CNTROB: variants seen among roughly 807,000 people sequenced by gnomAD.
The protein encoded by CNTROB is centrobin.
In CNTROB, 82 loss-of-function variants were observed where a neutral mutation model predicts 115.7. That is an observed-to-expected ratio of 0.71 (90% CI 0.59 to 0.85). CNTROB has a LOEUF of 0.85. Among genes scored for constraint, CNTROB ranks in the 40% least tolerant of loss-of-function variants. The pLI is 0.00. For synonymous variants in CNTROB, 439 were observed against 456.4 expected (o/e 0.96, Z 0.49); for missense variants, 1,014 against 1,144.4 (o/e 0.89, Z 1.64).
chr17:7,947,808 C>A (rs1401608275), intron 14 of CNTROB, 86 bp downstream of exon 14: 4 of 1,606,198 alleles, frequency 2.5e-6, no homozygotes, highest in Non-Finnish European at 2.6e-6. Context: ...GGACTCTGGC[C>A]TCATTCCCTG....
In CNTROB at chr17:7,949,824, T is replaced by C. The variant is rs916834567; in HGVS notation, c.*314T>C. 9 of 259,480 alleles carry C rather than the reference T, an allele frequency of 3.5e-5. No homozygotes were observed. Among genetic ancestry groups the C allele is most frequent in the Admixed American group, 5.4e-5 (1 of 18,588 alleles). The allele number at this position is 259,480 out of a possible 1,614,324, so 16.1% of individuals were successfully genotyped here. On this transcript the variant is annotated 3_prime_UTR_variant, in exon 19 of 19. Transcript: ENST00000563694. ...TGAACTCTGGGTGGTAGTGGAATTA[T>C]GGGTGATTCTTAGTTTTTTAATACG...
rs1973530909 is a variant in CNTROB at position 7,939,040 on chromosome 17, A to G, written c.928-473A>G. Among the ~76,000 whole-genome samples the G allele has an allele frequency of 6.6e-6, 1 of 151,894 alleles. No homozygotes were observed. Among genetic ancestry groups the G allele is most frequent in the Non-Finnish European group, 1.5e-5 (1 of 67,974 alleles). On this transcript the variant is annotated intron_variant, in intron 7 of 18. Transcript: ENST00000563694. The surrounding 1 kb of genome is among the most constrained non-coding windows in gnomAD (Gnocchi z 4.4). The stretch of plus-strand genomic sequence containing the variant: ...ATGATCTGCCTGCCTCAGCCTCCCA[A>G]AGTGCTGGGATTACAGGCATGAGCC...
At chr17:7,949,179 A>T (rs1193840275) in intron 18 of CNTROB, 22 bp downstream of exon 18, 1 of 1,611,588 alleles carries the variant, frequency 6.2e-7, no homozygotes, top group East Asian at 2.2e-5. Flanking sequence ...TCAGGCAGGG[A>T]CCAGGGGAGA....
Position 7,943,574 on chromosome 17 carries a change from T to C in CNTROB, c.1445+50T>C. The C allele has an allele frequency of 4.4e-6, 7 of 1,575,332 alleles. No individual in the cohort carries two copies. The highest frequency in any genetic ancestry group is 6.1e-6 in the Non-Finnish European group (7 of 1,154,878). On this transcript the variant is annotated intron_variant, in intron 10 of 18. Coordinates refer to ENST00000563694, the MANE Select transcript of CNTROB (RefSeq NM_053051.5). The surrounding 1 kb of genome is among the most constrained non-coding windows in gnomAD (Gnocchi z 4.7). Reference sequence around the variant, plus strand: ...CTTCTCTCAGCCACAGCACGTATCGTTAGTGCCAGGCCTGTGTTCCCTTCA... The same window carrying C: ...CTTCTCTCAGCCACAGCACGTATCGCTAGTGCCAGGCCTGTGTTCCCTTCA...
In CNTROB at chr17:7,944,156, G is replaced by A; in HGVS notation, c.1479G>A (p.Gln493=). 1.2e-6 allele frequency: 2 copies of A among 1,609,962 alleles called. 1 individual carries two copies. Among genetic ancestry groups the A allele is most frequent in the South Asian group, 2.2e-5 (2 of 91,016 alleles). Residue 493 remains glutamine, a synonymous_variant, in exon 11 of 19, where the codon CAG becomes CAA. Transcript: ENST00000563694. The surrounding 1 kb of genome is among the most constrained non-coding windows in gnomAD (Gnocchi z 4.0). The part of the protein sequence containing the change: ...KQLQDLSGQH[Q]QELASQLAQF... ...TGCAGGACCTGAGTGGACAGCACCA[G>A]CAGGAGCTGGCCAGTCAGCTAGCTC...
chr17:7,933,620 T>C (rs1972790141), intron 1 of CNTROB, among the ~76,000 whole-genome samples: 1 of 152,184 alleles, frequency 6.6e-6, no homozygotes. Flanking sequence ...GTTGGTGAGC[T>C]ATTTCCCGTG....
At chr17:7,933,942 T>G (rs577816719) in intron 1 of CNTROB, among the ~76,000 whole-genome samples, 196 bp from the exon 2 acceptor site, 1 of 152,340 alleles carries the variant, frequency 6.6e-6, no homozygotes, top group East Asian at 1.9e-4. Flanking sequence ...GTCTTATACC[T>G]CCTCGATTAT....
intron 3 of CNTROB, 52 bp from the exon 4 acceptor site, chr17:7,934,937 G>T (rs1454055720): frequency 6.6e-6 from 10 of 1,522,906 alleles, no homozygotes; most frequent in African/African-American, 1.4e-5. Flanking sequence ...AGTTGGACAA[G>T]TGGATTCCAA....
rs781035742 is a variant in CNTROB, at chr17:7,949,369, T to C, written c.2587-16T>C. On this transcript the variant is annotated splice_polypyrimidine_tract_variant and intron_variant, in intron 18 of 18. Transcript: ENST00000563694. ...TCTGACGCTGATTTCTTCCTCTCTC[T>C]TCCCTCAACTCTCAGATTCCCTCCC... 5.6e-6 allele frequency: 9 copies of C among 1,613,428 alleles called. No individual in the cohort carries two copies. The highest frequency in any genetic ancestry group is 7.6e-6 in the Non-Finnish European group (9 of 1,179,538).
chr17:7,948,217 T>C lies in CNTROB; in HGVS notation c.2270T>C (p.Val757Ala), dbSNP rs1415656023. 2 of 1,614,034 alleles carry C rather than the reference T, an allele frequency of 1.2e-6. No individual in the cohort carries two copies. The highest frequency in any genetic ancestry group is 1.7e-6 in the Non-Finnish European group (2 of 1,180,036). ...APQVPRIPPP[V>A]HKTKVPLAMA... ...CAAGTGCCACGTATTCCACCGCCTGTCCACAAAACCAAAGTTCCCTTAGCC... is the reference window on the plus strand; with the variant it reads ...CAAGTGCCACGTATTCCACCGCCTGCCCACAAAACCAAAGTTCCCTTAGCC... Residue 757 changes from valine (V) to alanine (A), a missense_variant, in exon 16 of 19, where the codon GTC becomes GCC. By Grantham distance (64) the Val-to-Ala change is moderately conservative. Transcript: ENST00000563694. This position sits in a 1 kb window ranked among gnomAD's most constrained non-coding sequence, Gnocchi z 4.4.
At position 7,947,688 on chromosome 17, in the gene CNTROB, C is replaced by T; in HGVS notation, c.2111C>T (p.Ala704Val). Residue 704 changes from alanine to valine, a missense_variant, in exon 14 of 19, where the codon GCT becomes GTT. By Grantham distance (64) the Ala-to-Val change is moderately conservative. Transcript: ENST00000563694. ...CTCCTAAAGCAAGGGCTGCCGCCTG[C>T]TCAGCTGGAGGGCCTCAAGAATTTT... ...EGLLKQGLPP[A>V]QLEGLKNFLH... is the part of the protein sequence containing the mutation. The T allele has an allele frequency of 6.2e-7, 1 of 1,613,300 alleles. No homozygotes were observed. The highest frequency in any genetic ancestry group is 8.5e-7 in the Non-Finnish European group (1 of 1,179,376).
chr17:7,932,122 C>T (rs73235710), upstream of CNTROB: 2,575 of 490,492 alleles, frequency 5.2e-3, 55 homozygotes, highest in African/African-American at 0.045. Context: ...GCCAGGCGCT[C>T]GGGATACAGA....
At chr17:7,937,130 G>A (rs748793939) in intron 6 of CNTROB, 34 bp from the exon 7 acceptor site, 1 of 1,612,388 alleles carries the variant, frequency 6.2e-7, no homozygotes, top group South Asian at 1.1e-5. Flanking sequence ...ATTTCCCACA[G>A]TTCCTCTGCC....
intron 9 of CNTROB, among the ~76,000 whole-genome samples, chr17:7,941,201 G>T (rs377555510): frequency 6.6e-6 from 1 of 151,950 alleles, no homozygotes. Context: ...TATAAAATGT[G>T]TAAGGACAAA....
chr17:7,939,548 G>A lies in CNTROB; in HGVS notation c.963G>A (p.Glu321=), dbSNP rs546781575. ...GGCAAGCTCTGACTCTGAGGTTGGA[G>A]GCAGAACAGCAGCGGTGCTGTGTCC... ...EERQALTLRL[E]AEQQRCCVLQ... is the part of the protein sequence containing the mutation. Residue 321 remains glutamate, a synonymous_variant, in exon 8 of 19, where the codon GAG becomes GAA. Transcript: ENST00000563694. This position sits in a 1 kb window ranked among gnomAD's most constrained non-coding sequence, Gnocchi z 4.4. The A allele has an allele frequency of 6.2e-7, 1 of 1,614,066 alleles. No individual in the cohort carries two copies. Among genetic ancestry groups the A allele is most frequent in the East Asian group, 2.2e-5 (1 of 44,896 alleles).
intron 2 of CNTROB, 63 bp downstream of exon 2, chr17:7,934,285 G>T (rs1972883739): frequency 4.0e-6 from 6 of 1,513,520 alleles, no homozygotes; most frequent in Non-Finnish European, 5.5e-6. Context: ...GGGAGAAAGT[G>T]GACAGAGGAA....
At position 7,940,106 on chromosome 17, in the gene CNTROB, A is replaced by G; in HGVS notation, c.1175A>G (p.Gln392Arg). The change falls in exon 9 of 19, where the codon CAG (glutamine) becomes CGG (arginine). Residue 392 changes from glutamine to arginine, a missense_variant. Gln to Arg is a conservative substitution (Grantham distance 43). Transcript: ENST00000563694. ...ATTTGTCTTTCATAGGAGAAGAGCCAGAGGGAAGCCCAGGCCGCCTGGGAG... is the reference window on the plus strand; with the variant it reads ...ATTTGTCTTTCATAGGAGAAGAGCCGGAGGGAAGCCCAGGCCGCCTGGGAG... ...AQLEREKEKS[Q>R]REAQAAWETQ... is the part of the protein sequence containing the mutation. 1.4e-5 allele frequency: 23 copies of G among 1,602,446 alleles called. No individual in the cohort carries two copies. The highest frequency in any genetic ancestry group is 2.0e-5 in the Non-Finnish European group (23 of 1,175,440).
chr17:7,943,651 TCAG>T lies in CNTROB; in HGVS notation c.1445+129_1445+131del. On this transcript the variant is annotated intron_variant, in intron 10 of 18. Transcript: ENST00000563694. This position sits in a 1 kb window ranked among gnomAD's most constrained non-coding sequence, Gnocchi z 4.7. ...GACTCCCAGGGTGCGCTAACTCCCATCAGCTGGGACCTGAGTCTCTCTCGGGAG... is the reference window on the plus strand; with the variant it reads ...GACTCCCAGGGTGCGCTAACTCCCATCTGGGACCTGAGTCTCTCTCGGGAG... The T allele has an allele frequency of 1.0e-6, 1 of 1,003,120 alleles. No individual in the cohort carries two copies. Among genetic ancestry groups the T allele is most frequent in the South Asian group, 1.9e-5 (1 of 52,824 alleles). The allele number at this position is 1,003,120 out of a possible 1,614,324, so 62.1% of individuals were successfully genotyped here. A position where few individuals can be genotyped will look rare whatever the true frequency, so the allele number is the denominator to read the frequency against.
intron 9 of CNTROB, 130 bp downstream of exon 9, chr17:7,940,372 T>C (rs2151754629): frequency 1.2e-6 from 1 of 817,332 alleles, no homozygotes; most frequent in Admixed American, 3.1e-5. Context: ...ACAGTTTCTA[T>C]GTAGTATGGG....
Sources: allele counts gnomAD v4.1 joint callset (sites outside exome capture counted in the v4.1 genomes callset), GRCh38; gene constraint gnomAD v4.1.1; non-coding constraint Gnocchi (gnomAD v3.1); transcripts MANE v1.5; gene names NCBI Gene and HGNC (gene_info 2026-07-23, HGNC 2026-07-21).